GBA2: variants seen among roughly 807,000 people sequenced by gnomAD.
The protein encoded by GBA2 is non-lysosomal glucosylceramidase.
GBA2 carries 79 observed loss-of-function variants against 112.9 expected under a neutral mutation model. The ratio of observed to expected loss-of-function variants is 0.70; its 90% CI spans 0.58 to 0.84. The LOEUF is 0.84. Among genes scored for constraint, GBA2 ranks in the 40% least tolerant of loss-of-function variants. The pLI is 0.00. For missense variants in GBA2, 1,043 were observed against 1,190.0 expected, an observed-to-expected ratio of 0.88 and a Z score of 1.82; for synonymous variants, 403 against 434.3, an observed-to-expected ratio of 0.93 and a Z score of 0.90.
rs1440619276 is a variant in GBA2, at chr9:35,737,991, A to C, written c.2313+46T>G. Reference sequence around the variant, plus strand: ...TCTCATATACTTACTTCCCACCTCCAGGGAAAACCCATTTTTCTCTCTGGC... The same window carrying C: ...TCTCATATACTTACTTCCCACCTCCCGGGAAAACCCATTTTTCTCTCTGGC... On this transcript the variant is annotated intron_variant, in intron 15 of 16. Transcript: ENST00000378103. This position sits in a 1 kb window ranked among gnomAD's most constrained non-coding sequence, Gnocchi z 4.1. 6.3e-7 allele frequency: 1 copy of C among 1,596,748 alleles called. No individual in the cohort carries two copies. Among genetic ancestry groups the C allele is most frequent in the South Asian group, 1.1e-5 (1 of 90,248 alleles).
Position 35,737,947 on chromosome 9 carries a change from G to C in GBA2, c.2314-8C>G, listed in dbSNP as rs774358705. ...ATGTTGGGTAGGAAACACCTGGAGG[G>C]GCAAGGGCAGGAACATGGTCTCATA... On this transcript the variant is annotated splice_polypyrimidine_tract_variant and splice_region_variant and intron_variant, in intron 15 of 16. Coordinates refer to ENST00000378103, the MANE Select transcript of GBA2 (RefSeq NM_020944.3). This position sits in a 1 kb window ranked among gnomAD's most constrained non-coding sequence, Gnocchi z 4.1. 7.5e-6 allele frequency: 12 copies of C among 1,608,420 alleles called. No homozygotes were observed. Among genetic ancestry groups the C allele is most frequent in the Non-Finnish European group, 1.0e-5 (12 of 1,177,536 alleles).
At chr9:35,742,024 C>A (rs1826721622) in intron 3 of GBA2, 134 bp from the exon 4 acceptor site, 2 of 670,608 alleles carry the variant, frequency 3.0e-6, no homozygotes, top group East Asian at 5.4e-5. Flanking sequence ...CAAGTCATCC[C>A]CCAGGCTCAG....
rs371758545 is a variant in GBA2 at position 35,740,910 on chromosome 9, C to A, written c.941G>T (p.Arg314Leu). 6.2e-6 allele frequency: 10 copies of A among 1,614,032 alleles called. No individual in the cohort carries two copies. The highest frequency in any genetic ancestry group is 8.5e-7 in the Non-Finnish European group (1 of 1,179,876). ...CAGCCCCCGGACAGTTTCCCCGCTA[C>A]GCTCCAGACAGAAGGGCTCATTCCA... ...GLWNEPFCLERSGETVRGLLL... is the reference protein window; with the variant it reads ...GLWNEPFCLELSGETVRGLLL... The change falls in exon 5 of 17, where the codon CGT becomes CTT. Residue 314 changes from arginine to leucine, a missense_variant. Transcript: ENST00000378103. The surrounding 1 kb of genome is among the most constrained non-coding windows in gnomAD (Gnocchi z 4.7).
chr9:35,747,803 C>T (rs1334759220), intron 1 of GBA2, among the ~76,000 whole-genome samples: 2 of 152,200 alleles, frequency 1.3e-5, no homozygotes, highest in African/African-American at 2.4e-5. Context: ...AGCACCTTCT[C>T]ATCACTTCAG....
In GBA2 at chr9:35,748,417, C is replaced by A; in HGVS notation, c.288G>T (p.Glu96Asp). The change falls in exon 1 of 17, where the codon GAG becomes GAT. Residue 96 changes from glutamate to aspartate, a missense_variant. Coordinates refer to ENST00000378103, the MANE Select transcript of GBA2 (RefSeq NM_020944.3). Reference sequence around the variant, plus strand: ...TGTTAGCTTGAAAGGGTTTCCTCTTCTCTGTAAACTCATGAGCCAGACAGA... The same window carrying A: ...TGTTAGCTTGAAAGGGTTTCCTCTTATCTGTAAACTCATGAGCCAGACAGA... The part of the protein sequence containing the change: ...WRICLAHEFT[E>D]KRKPFQANNV... The A allele has an allele frequency of 6.2e-7, 1 of 1,614,202 alleles. No individual in the cohort carries two copies. The highest frequency in any genetic ancestry group is 8.5e-7 in the Non-Finnish European group (1 of 1,180,028).
At position 35,741,595 on chromosome 9, in the gene GBA2, G is replaced by T; in HGVS notation, c.786+77C>A. On this transcript the variant is annotated intron_variant, in intron 4 of 16. Coordinates refer to ENST00000378103, the MANE Select transcript of GBA2 (RefSeq NM_020944.3). This position sits in a 1 kb window ranked among gnomAD's most constrained non-coding sequence, Gnocchi z 4.6. ...TTACAGGCGTGAGCTACCGCGCCTC[G>T]CAGGCCATGCAGTTTCTAGCAGAGG... The T allele has an allele frequency of 1.0e-6, 1 of 998,620 alleles. No individual in the cohort carries two copies. The highest frequency in any genetic ancestry group is 1.6e-5 in the African/African-American group (1 of 63,140). The allele number at this position is 998,620 out of a possible 1,614,324, so 61.9% of individuals were successfully genotyped here. A position where few individuals can be genotyped will look rare whatever the true frequency, so the allele number is the denominator to read the frequency against.
rs571650716 is a variant in GBA2 at position 35,740,515 on chromosome 9, C to G, written c.1129+11G>C. On this transcript the variant is annotated intron_variant, in intron 6 of 16. Transcript: ENST00000378103. The surrounding 1 kb of genome is among the most constrained non-coding windows in gnomAD (Gnocchi z 4.7). Reference sequence around the variant, plus strand: ...CTCTTCCCACCATCTCCCAGTCAGACCCCCCATCACCAGTGGGAGAGTCCA... The same window carrying G: ...CTCTTCCCACCATCTCCCAGTCAGAGCCCCCATCACCAGTGGGAGAGTCCA... The G allele has an allele frequency of 6.3e-7, 1 of 1,593,324 alleles. No homozygotes were observed. Among genetic ancestry groups the G allele is most frequent in the Non-Finnish European group, 8.6e-7 (1 of 1,161,328 alleles).
chr9:35,744,497 T>G, intron 2 of GBA2, 85 bp from the exon 3 acceptor site: 1 of 1,063,734 alleles, frequency 9.4e-7, no homozygotes, highest in Non-Finnish European at 1.5e-6. Flanking sequence ...GCCTGGTTCC[T>G]CTGAAAACCT....
At chr9:35,742,961 T>C (rs944719436) in intron 3 of GBA2, among the ~76,000 whole-genome samples, 1 of 152,220 alleles carries the variant, frequency 6.6e-6, no homozygotes, top group African/African-American at 2.4e-5. Context: ...GTACCGAATA[T>C]GTACACACTT....
intron 3 of GBA2, among the ~76,000 whole-genome samples, chr9:35,742,556 T>C (rs1436178689): frequency 6.6e-6 from 1 of 152,228 alleles, no homozygotes; most frequent in East Asian, 1.9e-4. Context: ...TTATAATGTA[T>C]TGACTGACCA....
chr9:35,738,102 TAACAC>T lies in GBA2; in HGVS notation c.2243_2247del (p.Ser748AsnfsTer3). 6.2e-6 allele frequency: 10 copies of T among 1,613,994 alleles called. No individual in the cohort carries two copies. Among genetic ancestry groups the T allele is most frequent in the Non-Finnish European group, 8.5e-6 (10 of 1,179,880 alleles). Reference sequence around the variant, plus strand: ...CACTGTCCAGCACACTGGTCAGACATAACACTACGAGACTGAGGCCGAGAGCTGCT... The same window carrying T: ...CACTGTCCAGCACACTGGTCAGACATTACGAGACTGAGGCCGAGAGCTGCT... On this transcript the variant is annotated frameshift_variant, in exon 15 of 17. Transcript: ENST00000378103. LOFTEE classifies it high-confidence loss of function.
intron 3 of GBA2, among the ~76,000 whole-genome samples, chr9:35,743,084 T>TA (rs1826790979): frequency 6.6e-6 from 1 of 152,254 alleles, no homozygotes; most frequent in African/African-American, 2.4e-5. Flanking sequence ...TTGCAAATAC[T>TA]ATAAGCCATT....
intron 3 of GBA2, among the ~76,000 whole-genome samples, chr9:35,742,987 A>C (rs888017605): frequency 1.3e-5 from 2 of 152,238 alleles, no homozygotes; most frequent in African/African-American, 4.8e-5. Flanking sequence ...ACTGTACGGC[A>C]CAACAAGGGT....
rs779252878 is a variant in GBA2 at position 35,741,664 on chromosome 9, G to A, written c.786+8C>T. The A allele has an allele frequency of 3.9e-6, 6 of 1,527,734 alleles. No individual in the cohort carries two copies. The highest frequency in any genetic ancestry group is 2.7e-5 in the African/African-American group (2 of 73,262). 94.6% of individuals were successfully genotyped at this position (1,527,734 alleles called of 1,614,324 possible). A position where few individuals can be genotyped will look rare whatever the true frequency, so the allele number is the denominator to read the frequency against. On this transcript the variant is annotated splice_region_variant and intron_variant, in intron 4 of 16. Transcript: ENST00000378103. The surrounding 1 kb of genome is among the most constrained non-coding windows in gnomAD (Gnocchi z 4.6). The stretch of plus-strand genomic sequence containing the variant: ...GGGCAATGGAAGATACAGATGTGGG[G>A]GCCTCACCTGGTAGTCATGGGGCAA...
intron 10 of GBA2, 28 bp downstream of exon 10, chr9:35,739,287 G>T (rs1343269897): frequency 6.9e-7 from 1 of 1,454,070 alleles, no homozygotes; most frequent in South Asian, 1.1e-5. Flanking sequence ...AGCCAAGAGG[G>T]CAGAAGCGGC....
In GBA2 at chr9:35,737,075, G is replaced by C; in HGVS notation, c.*94C>G. 6.6e-7 allele frequency: 1 copy of C among 1,523,944 alleles called. No individual in the cohort carries two copies. 94.4% of individuals were successfully genotyped at this position (1,523,944 alleles called of 1,614,324 possible). On this transcript the variant is annotated 3_prime_UTR_variant, in exon 17 of 17. Coordinates refer to ENST00000378103, the MANE Select transcript of GBA2 (RefSeq NM_020944.3). This position sits in a 1 kb window ranked among gnomAD's most constrained non-coding sequence, Gnocchi z 4.1. ...AGAAGGGAAGGGGTATGATTGTCCT[G>C]ATGGCTCAGGGTTGCAGGAGGTTCA...
chr9:35,738,447 G>A (rs1281967830), intron 13 of GBA2, 73 bp from the exon 14 acceptor site: 1 of 1,591,320 alleles, frequency 6.3e-7, no homozygotes, highest in Non-Finnish European at 8.6e-7. Context: ...TAGACAATGA[G>A]TCATTCTTTC....
At position 35,737,615 on chromosome 9, in the gene GBA2, T is replaced by C. The variant is rs1367381394; in HGVS notation, c.2505+133A>G. 6 of 1,576,922 alleles carry C rather than the reference T, an allele frequency of 3.8e-6. No individual in the cohort carries two copies. The highest frequency in any genetic ancestry group is 2.3e-5 in the East Asian group (1 of 43,076). On this transcript the variant is annotated intron_variant, in intron 16 of 16. Transcript: ENST00000378103. This position sits in a 1 kb window ranked among gnomAD's most constrained non-coding sequence, Gnocchi z 4.1. ...GCCTGAAGGCAGGAGCTGGAATGCATACCAGGGAAAAATGGGAGGCTTTAT... is the reference window on the plus strand; with the variant it reads ...GCCTGAAGGCAGGAGCTGGAATGCACACCAGGGAAAAATGGGAGGCTTTAT...
chr9:35,742,899 T>A (rs1474416741), intron 3 of GBA2, among the ~76,000 whole-genome samples: 3 of 152,240 alleles, frequency 2.0e-5, no homozygotes, highest in African/African-American at 7.2e-5. Flanking sequence ...GAGTTCCACA[T>A]CAGTGGATTC....
Sources: gnomAD v4.1 joint callset for allele counts (sites outside exome capture counted in the v4.1 genomes callset) on GRCh38, gnomAD v4.1.1 for gene constraint, Gnocchi (gnomAD v3.1) non-coding constraint, MANE v1.5 for transcripts, NCBI Gene and HGNC (gene_info 2026-07-23, HGNC 2026-07-21) for gene names.